CSPP1: variants seen among roughly 807,000 people sequenced by gnomAD.
The protein encoded by CSPP1 is centrosome and spindle pole associated protein 1, also known as centrosome and spindle pole-associated protein 1.
A neutral mutation model predicts 164.4 loss-of-function variants in CSPP1; 126 were observed. The observed-to-expected ratio is 0.77, with a 90% CI of 0.66 to 0.89. The LOEUF (loss-of-function observed/expected upper bound fraction) is 0.89, where lower values mean the gene tolerates loss of function less well. Among genes scored for constraint, CSPP1 ranks in the 40% least tolerant of loss-of-function variants. CSPP1 has a pLI of 0.00. For synonymous variants in CSPP1, 472 were observed against 476.7 expected, an observed-to-expected ratio of 0.99 and a Z score of 0.13; for missense variants, 1,395 against 1,449.8, an observed-to-expected ratio of 0.96 and a Z score of 0.61.
chr8:67,192,238 C>A (rs1836535934), intron 29 of CSPP1, among the ~76,000 whole-genome samples: 1 of 151,948 alleles, frequency 6.6e-6, no homozygotes, highest in African/African-American at 2.4e-5. Flanking sequence ...ACACGCCTGG[C>A]TAAGTTTTGT....
At chr8:67,078,365 A>G (rs1470294921) in intron 3 of CSPP1, among the ~76,000 whole-genome samples, 1 of 151,810 alleles carries the variant, frequency 6.6e-6, no homozygotes, top group Non-Finnish European at 1.5e-5. Context: ...TTTTTGAGAC[A>G]GGATCTTACT....
rs1043406036 is a variant in CSPP1, at chr8:67,085,919, G to C, written c.200-88G>C. The C allele has an allele frequency of 5.7e-6, 4 of 704,966 alleles. No individual in the cohort carries two copies. In the African/African-American group the frequency reaches 7.1e-5, roughly 13 times the overall value. The allele number at this position is 704,966 out of a possible 1,614,324, so 43.7% of individuals were successfully genotyped here. On this transcript the variant is annotated intron_variant, in intron 3 of 30. Coordinates refer to ENST00000678616, the MANE Select transcript of CSPP1 (RefSeq NM_001382391.1). ...CTACTCTTGGAATAAGCATAATTCT[G>C]TTCCTTCTTACTGTGCTTTGTTACA...
chr8:67,192,475 T>C (rs1011281174), intron 29 of CSPP1, among the ~76,000 whole-genome samples: 1 of 152,202 alleles, frequency 6.6e-6, no homozygotes, highest in Non-Finnish European at 1.5e-5. Flanking sequence ...TTTCAGATCT[T>C]TTTTCCCATT....
chr8:67,114,641 T>C (rs768746148), intron 12 of CSPP1: 9 of 152,192 alleles, frequency 5.9e-5, no homozygotes, highest in Non-Finnish European at 1.0e-4. Context: ...TGCTTCTGGG[T>C]TAACCTGATA....
intron 27 of CSPP1, among the ~76,000 whole-genome samples, chr8:67,178,099 T>A (rs1376780464): frequency 6.6e-6 from 1 of 152,202 alleles, no homozygotes; most frequent in East Asian, 1.9e-4. Flanking sequence ...TGTAAGTGTT[T>A]ATTAAATAAA....
chr8:67,152,310 CAT>C (rs1257957118), intron 18 of CSPP1, among the ~76,000 whole-genome samples: 1 of 152,016 alleles, frequency 6.6e-6, no homozygotes, highest in African/African-American at 2.4e-5. Flanking sequence ...AATGTTACAA[CAT>C]GTGTTTAAGT....
chr8:67,083,346 A>G (rs562711467), intron 3 of CSPP1, among the ~76,000 whole-genome samples: 144 of 151,564 alleles, frequency 9.5e-4, no homozygotes, highest in African/African-American at 3.4e-3. Flanking sequence ...AGCCTGGCCA[A>G]TATGGTGAAA....
In CSPP1 at chr8:67,159,079, A is replaced by G. The variant is rs185130908; in HGVS notation, c.2480A>G (p.Tyr827Cys). ...ERKKKEEEEK[Y>C]NLQLQHYCER... ...AAGAAGAAAGAAGAAGAAGAAAAAT[A>G]TAACCTGCAACTTCAGCACTACTGT... is the stretch of plus-strand genomic sequence containing the variant. The change falls in exon 21 of 31, where the codon TAT becomes TGT. Residue 827 changes from tyrosine to cysteine, a missense_variant. Coordinates refer to ENST00000678616, the MANE Select transcript of CSPP1 (RefSeq NM_001382391.1). The G allele has an allele frequency of 7.9e-5, 128 of 1,613,144 alleles. No homozygotes were observed. Among genetic ancestry groups the G allele is most frequent in the Admixed American group, 6.5e-4 (39 of 59,894 alleles).
chr8:67,143,582 T>C (rs1262932517), intron 17 of CSPP1, among the ~76,000 whole-genome samples: 1 of 152,162 alleles, frequency 6.6e-6, no homozygotes, highest in African/African-American at 2.4e-5. Context: ...TATCCATTTA[T>C]TGCTTCTAGT....
chr8:67,165,597 G>A (rs903110505), intron 24 of CSPP1, among the ~76,000 whole-genome samples: 2 of 152,174 alleles, frequency 1.3e-5, no homozygotes, highest in African/African-American at 4.8e-5. Context: ...GCACTGGCCA[G>A]GTATCCTGTA....
intron 30 of CSPP1, among the ~76,000 whole-genome samples, chr8:67,194,118 A>G (rs1302807237): frequency 6.6e-6 from 1 of 152,194 alleles, no homozygotes. Context: ...CTAGTCATAG[A>G]GCACAAGGCA....
intron 16 of CSPP1, among the ~76,000 whole-genome samples, chr8:67,132,636 T>C (rs891959138): frequency 2.0e-5 from 3 of 152,140 alleles, no homozygotes; most frequent in Non-Finnish European, 4.4e-5. Context: ...ATGGGGACGT[T>C]GGGGAAGACA....
chr8:67,085,374 T>TA (rs560133449), intron 3 of CSPP1, among the ~76,000 whole-genome samples: 75 of 141,080 alleles, frequency 5.3e-4, no homozygotes, highest in Non-Finnish European at 6.1e-4. Flanking sequence ...AAAAGAAAAT[T>TA]AAAAAAAAAA....
At chr8:67,151,716 T>TAAA (rs879890665) in intron 18 of CSPP1, among the ~76,000 whole-genome samples, 4 of 148,418 alleles carry the variant, frequency 2.7e-5, no homozygotes, top group Non-Finnish European at 6.0e-5. Context: ...AAGAATTGAG[T>TAAA]AAAAAAAAAA....
At chr8:67,089,362 G>C (rs1025179207) in intron 4 of CSPP1, among the ~76,000 whole-genome samples, 1 of 151,826 alleles carries the variant, frequency 6.6e-6, no homozygotes, top group African/African-American at 2.4e-5. Context: ...CCCCAGCCCA[G>C]ACCTCCATCC....
chr8:67,085,504 T>G (rs1810207424), intron 3 of CSPP1, among the ~76,000 whole-genome samples: 1 of 152,014 alleles, frequency 6.6e-6, no homozygotes. Context: ...AGACTGAAAA[T>G]GATGCATTAA....
chr8:67,095,931 G>GC (rs1812662882), intron 7 of CSPP1, among the ~76,000 whole-genome samples, 199 bp downstream of exon 7: 1 of 152,126 alleles, frequency 6.6e-6, no homozygotes, highest in Non-Finnish European at 1.5e-5. Flanking sequence ...CAAGGTGGGG[G>GC]CCCTGTTGTA....
chr8:67,172,676 TTAAAA>T (rs1426708057), intron 25 of CSPP1, 121 bp downstream of exon 25: 1 of 888,790 alleles, frequency 1.1e-6, no homozygotes, highest in Non-Finnish European at 1.6e-6. Flanking sequence ...TGTATTTTAG[TTAAAA>T]TGAAATGAAA....
intron 24 of CSPP1, among the ~76,000 whole-genome samples, chr8:67,168,323 AGAGGGG>A (rs926856210): frequency 2.8e-4 from 23 of 82,034 alleles, no homozygotes; most frequent in East Asian, 3.6e-4. Flanking sequence ...GGGAGACGGG[AGAGGGG>A]GAGGGGGAGG....
Sources: allele counts gnomAD v4.1 joint callset (sites outside exome capture counted in the v4.1 genomes callset), GRCh38; gene constraint gnomAD v4.1.1; transcripts MANE v1.5; gene names NCBI Gene and HGNC (gene_info 2026-07-23, HGNC 2026-07-21).